PLCB4: variants seen among roughly 807,000 people sequenced by gnomAD.
PLCB4 encodes 1-phosphatidylinositol 4,5-bisphosphate phosphodiesterase beta-4.
PLCB4 carries 77 observed loss-of-function variants against 178.8 expected under a neutral mutation model. The observed-to-expected ratio is 0.43, with a 90% CI of 0.36 to 0.52. The LOEUF (loss-of-function observed/expected upper bound fraction) is 0.52. Among genes scored for constraint, PLCB4 ranks in the 20% least tolerant of loss-of-function variants. The probability of loss-of-function intolerance (pLI) is 0.00; values close to 1 mark genes in which losing one functional copy is unlikely to be tolerated. For missense variants in PLCB4, 1,024 were observed against 1,453.4 expected (o/e 0.70, Z 4.80); for synonymous variants, 496 against 490.8 (o/e 1.01, Z -0.14).
chr20:9,373,192 C>G (rs2036395274), intron 12 of PLCB4, 88 bp downstream of exon 12: 3 of 639,442 alleles, frequency 4.7e-6, no homozygotes, highest in Admixed American at 5.7e-5. Context: ...GCATCATATG[C>G]CCTTATTCGC....
At chr20:9,128,026 C>T (rs1201833573) in intron 2 of PLCB4, among the ~76,000 whole-genome samples, 1 of 152,092 alleles carries the variant, frequency 6.6e-6, no homozygotes, top group Non-Finnish European at 1.5e-5. Context: ...TTTGTCCCCT[C>T]CAAATCTCAT....
chr20:9,137,957 C>A (rs1330324947), intron 2 of PLCB4, among the ~76,000 whole-genome samples: 2 of 151,990 alleles, frequency 1.3e-5, no homozygotes, highest in Non-Finnish European at 2.9e-5. Context: ...GAAGCCCAAA[C>A]AAATACTTGT....
In PLCB4 at chr20:9,187,270, G is replaced by A. The variant is rs151182990; in HGVS notation, c.-78-30120G>A. On this transcript the variant is annotated intron_variant, in intron 2 of 39. Transcript: ENST00000378473. Reference sequence around the variant, plus strand: ...GATTACAGGCATGAGCACCATGCCCGGCCTACTTGTCACTTTAAAACACAG... The same window carrying A: ...GATTACAGGCATGAGCACCATGCCCAGCCTACTTGTCACTTTAAAACACAG... 2.4e-3 allele frequency among the ~76,000 whole-genome samples: 360 copies of A among 152,064 alleles called. 5 individuals carry two copies. The highest frequency in any genetic ancestry group is 8.2e-3 in the African/African-American group (341 of 41,508).
intron 2 of PLCB4, among the ~76,000 whole-genome samples, chr20:9,207,409 C>T (rs1384399177): frequency 6.6e-6 from 1 of 152,230 alleles, no homozygotes; most frequent in East Asian, 1.9e-4. Context: ...AACACAAGGA[C>T]TTGTCCAACC....
chr20:9,320,638 C>T (rs2094949584), intron 4 of PLCB4, among the ~76,000 whole-genome samples: 1 of 152,186 alleles, frequency 6.6e-6, no homozygotes. Context: ...CTCGAAACAA[C>T]CCTGTTTTAA....
intron 4 of PLCB4, among the ~76,000 whole-genome samples, chr20:9,309,578 T>A (rs1258553513): frequency 1.3e-5 from 2 of 152,210 alleles, no homozygotes; most frequent in African/African-American, 4.8e-5. Flanking sequence ...AGAATACCTG[T>A]AACCACCAAA....
intron 2 of PLCB4, among the ~76,000 whole-genome samples, chr20:9,123,682 A>G (rs1387624514): frequency 6.6e-6 from 1 of 152,040 alleles, no homozygotes; most frequent in East Asian, 1.9e-4. Flanking sequence ...CTTTCACCCA[A>G]ACTTTTACAA....
At chr20:9,459,923 T>C in intron 35 of PLCB4, 113 bp downstream of exon 35, 1 of 676,760 alleles carries the variant, frequency 1.5e-6, no homozygotes, top group Non-Finnish European at 2.5e-6. Context: ...GTACAACATG[T>C]AGCTCTTTTG....
At chr20:9,430,276 A>G (rs1488893686) in intron 28 of PLCB4, among the ~76,000 whole-genome samples, 8 of 152,200 alleles carry the variant, frequency 5.3e-5, no homozygotes, top group Admixed American at 3.9e-4. Context: ...TCCATTTCAA[A>G]TAGCCTGCTA....
chr20:9,335,244 G>T (rs561984704), intron 4 of PLCB4, among the ~76,000 whole-genome samples: 51 of 152,130 alleles, frequency 3.4e-4, no homozygotes, highest in Non-Finnish European at 6.5e-4. Flanking sequence ...CATAAGACCC[G>T]CCATGGCCTT....
intron 28 of PLCB4, among the ~76,000 whole-genome samples, chr20:9,425,227 C>A (rs7261773): frequency 0.14 from 21,120 of 152,126 alleles, 2,880 homozygotes; most frequent in African/African-American, 0.34. Flanking sequence ...AACCTCCCTG[C>A]AACACAGCAT....
chr20:9,449,380 T>G (rs546602027), intron 32 of PLCB4, among the ~76,000 whole-genome samples: 2 of 152,160 alleles, frequency 1.3e-5, no homozygotes, highest in African/African-American at 4.8e-5. Flanking sequence ...AAGCAGGAAG[T>G]AGCTGAGGGA....
chr20:9,268,968 T>A (rs1411920995), intron 3 of PLCB4, among the ~76,000 whole-genome samples: 3 of 152,188 alleles, frequency 2.0e-5, no homozygotes, highest in Non-Finnish European at 2.9e-5. Flanking sequence ...AAGGCACTGC[T>A]TGTTTTAGCC....
At chr20:9,336,283 C>T (rs568906815) in intron 4 of PLCB4, among the ~76,000 whole-genome samples, 77 of 152,196 alleles carry the variant, frequency 5.1e-4, no homozygotes, top group African/African-American at 1.8e-3. Flanking sequence ...TTCTTTCATT[C>T]ACATGGATTT....
intron 20 of PLCB4, 125 bp downstream of exon 20, chr20:9,401,715 C>T (rs544632578): frequency 9.0e-5 from 59 of 652,316 alleles, no homozygotes; most frequent in African/African-American, 8.5e-4. Context: ...GCTTAGGATA[C>T]GAGTCTGTGC....
chr20:9,245,762 G>A (rs1427728510), intron 3 of PLCB4, among the ~76,000 whole-genome samples: 3 of 151,290 alleles, frequency 2.0e-5, no homozygotes, highest in African/African-American at 7.3e-5. Context: ...AGCCTCCCGA[G>A]TAGCTGGGAC....
chr20:9,450,929 A>G lies in PLCB4; in HGVS notation c.2881-2418A>G, dbSNP rs371098330. Among the ~76,000 whole-genome samples the G allele has an allele frequency of 5.9e-5, 9 of 152,176 alleles. 1 individual carries two copies. Among genetic ancestry groups the G allele is most frequent in the Admixed American group, 2.6e-4 (4 of 15,276 alleles). ...CTCCCAAAGTCCTGGGATTACAGGC[A>G]TGGGCTACTGTGCCCAGCCCTAACT... On this transcript the variant is annotated intron_variant, in intron 32 of 39. Transcript: ENST00000378473.
At chr20:9,436,968 T>C (rs1183131296) in intron 29 of PLCB4, 34 bp from the exon 30 acceptor site, 2 of 1,607,126 alleles carry the variant, frequency 1.2e-6, no homozygotes, top group South Asian at 1.1e-5. Context: ...TTGAGTGACA[T>C]TCATTTGGGT....
intron 2 of PLCB4, among the ~76,000 whole-genome samples, chr20:9,164,940 T>A (rs2092945592): frequency 6.6e-6 from 1 of 152,166 alleles, no homozygotes; most frequent in South Asian, 2.1e-4. Flanking sequence ...TCCTCTTGAG[T>A]CTGCCTGTGT....
Sources: allele counts gnomAD v4.1 joint callset (sites outside exome capture counted in the v4.1 genomes callset), GRCh38; gene constraint gnomAD v4.1.1; transcripts MANE v1.5; gene names NCBI Gene and HGNC (gene_info 2026-07-23, HGNC 2026-07-21).